The following FAM174B variants were observed in gnomAD, a reference collection of about 807,000 sequenced individuals.
The protein encoded by FAM174B is family with sequence similarity 174 member B, also known as membrane protein FAM174B.
In FAM174B, 12 loss-of-function variants were observed where a neutral mutation model predicts 10.9. The observed-to-expected ratio is 1.10, with a 90% CI of 0.71 to 1.79. The LOEUF is 1.79. Ranked by LOEUF, FAM174B falls within the 40% of genes most tolerant of loss-of-function variation. FAM174B has a pLI of 0.00. For synonymous variants in FAM174B, 132 were observed against 115.8 expected, an observed-to-expected ratio of 1.14 and a Z score of -0.90; for missense variants, 266 against 233.3, an observed-to-expected ratio of 1.14 and a Z score of -0.91.
In FAM174B at chr15:92,655,592, G is replaced by GCGGGAGCGGC; in HGVS notation, c.58_67dup (p.Ala23GlyfsTer108). 3.1e-6 allele frequency: 4 copies of GCGGGAGCGGC among 1,305,092 alleles called. No individual in the cohort carries two copies. The highest frequency in any genetic ancestry group is 3.9e-6 in the Non-Finnish European group (4 of 1,029,656). 80.8% of individuals were successfully genotyped at this position (1,305,092 alleles called of 1,614,324 possible). ...GGACTCGGCTCTGCTGGCGCGGGCG[G>GCGGGAGCGGC]CGGGAGCGGCCAGGAGCGCGAGCAG... On this transcript the variant is annotated frameshift_variant, in exon 1 of 3. Transcript: ENST00000327355. LOFTEE classifies it high-confidence loss of function.
chr15:92,629,354 A>G (rs893028117), intron 2 of FAM174B, among the ~76,000 whole-genome samples: 5 of 152,218 alleles, frequency 3.3e-5, no homozygotes, highest in Non-Finnish European at 5.9e-5. Flanking sequence ...ACAATCCTAA[A>G]GTCACAAAGT....
intron 2 of FAM174B, 121 bp from the exon 3 acceptor site, chr15:92,619,580 C>G (rs754055393): frequency 8.7e-7 from 1 of 1,151,344 alleles, no homozygotes; most frequent in East Asian, 2.4e-5. Context: ...CAGTCCCCAG[C>G]CACAGGACCT....
chr15:92,654,738 T>C (rs1222709235), intron 1 of FAM174B, among the ~76,000 whole-genome samples: 2 of 150,410 alleles, frequency 1.3e-5, no homozygotes, highest in African/African-American at 2.4e-5. Flanking sequence ...AGCGTAATTC[T>C]GGAGGCAATT....
Position 92,618,839 on chromosome 15 carries a change from T to TA in FAM174B, c.*616_*617insT, listed in dbSNP as rs1196213665. ...GATTTCTGCTGAACCTTTTTTTTTT[T>TA]TAAAAAAAAAAAAAAAGGAAGAAAG... On this transcript the variant is annotated 3_prime_UTR_variant, in exon 3 of 3. Coordinates refer to ENST00000327355, the MANE Select transcript of FAM174B (RefSeq NM_207446.3). 0.13 allele frequency: 17,483 copies of TA among 136,218 alleles called. 1,299 individuals are homozygous for TA. Among genetic ancestry groups the TA allele is most frequent in the African/African-American group, 0.26 (7,946 of 31,042 alleles). 8.4% of individuals were successfully genotyped at this position (136,218 alleles called of 1,614,324 possible).
rs2050759347 is a variant in FAM174B at position 92,627,252 on chromosome 15, G to A, written c.476+2962C>T. 3 of 154,592 alleles carry A rather than the reference G, an allele frequency of 1.9e-5. No homozygotes were observed. In the South Asian group the frequency reaches 6.2e-4, roughly 32 times the overall value. 9.6% of individuals were successfully genotyped at this position (154,592 alleles called of 1,614,324 possible). On this transcript the variant is annotated intron_variant, in intron 2 of 2. Coordinates refer to ENST00000327355, the MANE Select transcript of FAM174B (RefSeq NM_207446.3). The stretch of plus-strand genomic sequence containing the variant: ...GCCAACCTGGACTTTCAAAACACAA[G>A]CTTGGACTTATCTGTTAACTTTAAC...
chr15:92,651,641 A>G (rs2050967146), intron 1 of FAM174B, among the ~76,000 whole-genome samples: 1 of 152,246 alleles, frequency 6.6e-6, no homozygotes, highest in African/African-American at 2.4e-5. Flanking sequence ...TTCTGCCATA[A>G]AGATTGCCAT....
intron 2 of FAM174B, among the ~76,000 whole-genome samples, chr15:92,629,455 C>A (rs1267539093): frequency 6.6e-6 from 1 of 152,178 alleles, no homozygotes; most frequent in Admixed American, 6.5e-5. Context: ...CGCCACCCAC[C>A]CAGCCACCCA....
chr15:92,644,395 T>C (rs1353335659), intron 1 of FAM174B, among the ~76,000 whole-genome samples: 1 of 152,134 alleles, frequency 6.6e-6, no homozygotes, highest in Non-Finnish European at 1.5e-5. Context: ...CCACTGCAGA[T>C]GGGCCACTTC....
Position 92,655,568 on chromosome 15 carries a change from G to C in FAM174B, c.92C>G (p.Ser31Cys). The change falls in exon 1 of 3, where the codon TCC becomes TGC. Residue 31 changes from serine to cysteine, a missense_variant. Physicochemically the swap from Ser to Cys is moderately radical, Grantham distance 112. Coordinates refer to ENST00000327355, the MANE Select transcript of FAM174B (RefSeq NM_207446.3). ...APAARASRAE[S>C]VSAPWPEPER... ...GGGTTCGGGCCACGGCGCGGAGACG[G>C]ACTCGGCTCTGCTGGCGCGGGCGGC... The C allele has an allele frequency of 7.3e-7, 1 of 1,366,966 alleles. No individual in the cohort carries two copies. Among genetic ancestry groups the C allele is most frequent in the Non-Finnish European group, 9.4e-7 (1 of 1,061,352 alleles). The allele number at this position is 1,366,966 out of a possible 1,614,324, so 84.7% of individuals were successfully genotyped here. A position where few individuals can be genotyped will look rare whatever the true frequency, so the allele number is the denominator to read the frequency against.
At chr15:92,626,879 C>T (rs919609787) in intron 2 of FAM174B, among the ~76,000 whole-genome samples, 1 of 151,942 alleles carries the variant, frequency 6.6e-6, no homozygotes, top group Non-Finnish European at 1.5e-5. Flanking sequence ...GGTGAAACCC[C>T]GTCACCACTA....
intron 1 of FAM174B, among the ~76,000 whole-genome samples, chr15:92,649,442 T>C (rs896297822): frequency 6.6e-6 from 1 of 152,216 alleles, no homozygotes; most frequent in Non-Finnish European, 1.5e-5. Flanking sequence ...GGCTGCATCC[T>C]CATTTATGGA....
chr15:92,647,762 C>T (rs1444754760), intron 1 of FAM174B, among the ~76,000 whole-genome samples: 1 of 152,142 alleles, frequency 6.6e-6, no homozygotes, highest in African/African-American at 2.4e-5. Context: ...CCCTGCAAAG[C>T]CATCTTTTGT....
intron 1 of FAM174B, among the ~76,000 whole-genome samples, chr15:92,646,405 C>T (rs887205930): frequency 6.6e-6 from 1 of 152,220 alleles, no homozygotes; most frequent in Non-Finnish European, 1.5e-5. Flanking sequence ...GACACTTCAA[C>T]AACTGAGCCT....
intron 1 of FAM174B, among the ~76,000 whole-genome samples, chr15:92,653,369 T>C (rs1345517382): frequency 2.0e-5 from 3 of 152,126 alleles, no homozygotes; most frequent in East Asian, 3.9e-4. Context: ...ACTAGCAAAA[T>C]TGTTCAAATA....
At position 92,651,023 on chromosome 15, in the gene FAM174B, G is replaced by A. The variant is rs1173050170; in HGVS notation, c.344+4293C>T. 2.6e-5 allele frequency among the ~76,000 whole-genome samples: 4 copies of A among 152,208 alleles called. No individual in the cohort carries two copies. In the South Asian group the frequency reaches 8.3e-4, roughly 32 times the overall value. ...AAGGTGGACGTGATTCTACAGATGG[G>A]GAAATCAGATTGATTAAGGAGAACA... On this transcript the variant is annotated intron_variant, in intron 1 of 2. Coordinates refer to ENST00000327355, the MANE Select transcript of FAM174B (RefSeq NM_207446.3).
intron 1 of FAM174B, among the ~76,000 whole-genome samples, chr15:92,652,748 C>G (rs1271916787): frequency 7.9e-5 from 12 of 152,110 alleles, no homozygotes; most frequent in Non-Finnish European, 1.2e-4. Flanking sequence ...GAGACAGTCT[C>G]TTGGAGACTC....
Position 92,617,976 on chromosome 15 carries a change from C to T in FAM174B, c.*1480G>A. ...TGCAGAGGCGAAACTGCCTTCCTGG[C>T]AGGCGGAGGCTGCCGAGCTCCCATG... On this transcript the variant is annotated 3_prime_UTR_variant, in exon 3 of 3. Coordinates refer to ENST00000327355, the MANE Select transcript of FAM174B (RefSeq NM_207446.3). 2.9e-6 allele frequency: 1 copy of T among 349,624 alleles called. No homozygotes were observed. The allele number at this position is 349,624 out of a possible 1,614,324, so 21.7% of individuals were successfully genotyped here.
chr15:92,625,000 G>A (rs754684671), intron 2 of FAM174B, among the ~76,000 whole-genome samples: 1 of 152,186 alleles, frequency 6.6e-6, no homozygotes, highest in Non-Finnish European at 1.5e-5. Context: ...AGGCAACAAA[G>A]CTCAAAACAC....
At chr15:92,631,542 T>A (rs1488812678) in intron 1 of FAM174B, among the ~76,000 whole-genome samples, 1 of 129,154 alleles carries the variant, frequency 7.7e-6, no homozygotes, top group African/African-American at 3.0e-5. Flanking sequence ...TCACCCAGGC[T>A]GGAGTGCAGT....
Sources: allele counts gnomAD v4.1 joint callset (sites outside exome capture counted in the v4.1 genomes callset), GRCh38; gene constraint gnomAD v4.1.1; transcripts MANE v1.5; gene names NCBI Gene and HGNC (gene_info 2026-07-23, HGNC 2026-07-21).